NCBP3: variants seen among roughly 807,000 people sequenced by gnomAD.
NCBP3 encodes nuclear cap-binding protein subunit 3.
A neutral mutation model predicts 75.7 loss-of-function variants in NCBP3; 20 were observed. That is an observed-to-expected ratio of 0.26 (90% confidence interval 0.19 to 0.38). NCBP3 has a LOEUF of 0.38. Ranked by LOEUF, NCBP3 falls within the 10% of genes least tolerant of loss-of-function variation. NCBP3 has a pLI of 1.00. For missense variants in NCBP3, 678 were observed against 796.9 expected (o/e 0.85, Z 1.80); for synonymous variants, 293 against 290.5 (o/e 1.01, Z -0.09).
chr17:3,807,685 T>C lies in NCBP3; in HGVS notation c.*5359A>G, dbSNP rs1280047213. On this transcript the variant is annotated 3_prime_UTR_variant, in exon 13 of 13. Coordinates refer to ENST00000389005, the MANE Select transcript of NCBP3 (RefSeq NM_001114118.3). ...ATGAAAATAAAGCATTGTACGTACATGGCAGAAAAATGACTAGCCTGCCAG... is the reference window on the plus strand; with the variant it reads ...ATGAAAATAAAGCATTGTACGTACACGGCAGAAAAATGACTAGCCTGCCAG... 1 of 152,138 alleles carries C rather than the reference T, an allele frequency of 6.6e-6. No homozygotes were observed. The highest frequency in any genetic ancestry group is 1.5e-5 in the Non-Finnish European group (1 of 68,026). 9.4% of individuals were successfully genotyped at this position (152,138 alleles called of 1,614,324 possible).
In NCBP3 at chr17:3,821,058, T is replaced by C. The variant is rs376743487; in HGVS notation, c.1000+191A>G. On this transcript the variant is annotated intron_variant, in intron 9 of 12. Coordinates refer to ENST00000389005, the MANE Select transcript of NCBP3 (RefSeq NM_001114118.3). ...GCCTTTTTTGATAGAACAGCTTTTATAAAATCATTTGACCTCTTTGGGCAA... is the reference window on the plus strand; with the variant it reads ...GCCTTTTTTGATAGAACAGCTTTTACAAAATCATTTGACCTCTTTGGGCAA... 4.6e-5 allele frequency among the ~76,000 whole-genome samples: 7 copies of C among 152,360 alleles called. No individual in the cohort carries two copies. In the East Asian group the frequency reaches 7.7e-4, roughly 17 times the overall value.
At chr17:3,816,374 G>A (rs1242948319) in intron 10 of NCBP3, 104 bp from the exon 11 acceptor site, 2 of 994,908 alleles carry the variant, frequency 2.0e-6, no homozygotes, top group Non-Finnish European at 3.0e-6. Flanking sequence ...AAGAAATCCT[G>A]TCTTACATGG....
chr17:3,813,486 C>G (rs542698277), intron 12 of NCBP3, among the ~76,000 whole-genome samples: 1 of 152,234 alleles, frequency 6.6e-6, no homozygotes, highest in African/African-American at 2.4e-5. Flanking sequence ...GGACCCAGCA[C>G]GGGATTCTCA....
chr17:3,845,583 A>G (rs905012138), intron 1 of NCBP3, among the ~76,000 whole-genome samples: 1 of 152,144 alleles, frequency 6.6e-6, no homozygotes, highest in South Asian at 2.1e-4. Flanking sequence ...TCTCAAGACA[A>G]AGAGCGAGTG....
In NCBP3 at chr17:3,805,785, G is replaced by T. The variant is rs950268422; in HGVS notation, c.*7259C>A. The T allele has an allele frequency of 6.6e-6, 1 of 152,270 alleles. No individual in the cohort carries two copies. Among genetic ancestry groups the T allele is most frequent in the Non-Finnish European group, 1.5e-5 (1 of 68,090 alleles). The allele number at this position is 152,270 out of a possible 1,614,324, so 9.4% of individuals were successfully genotyped here. On this transcript the variant is annotated 3_prime_UTR_variant, in exon 13 of 13. Transcript: ENST00000389005. The stretch of plus-strand genomic sequence containing the variant: ...GGAGAGCAAGGATCCTTGAACACGC[G>T]TTAGCACTAGAAGGAAACTGGAGCT...
chr17:3,812,975 T>C lies in NCBP3; in HGVS notation c.*69A>G. On this transcript the variant is annotated 3_prime_UTR_variant, in exon 13 of 13. Transcript: ENST00000389005. ...GGGCGCCAGCTCCTGCGGGGGAGGT[T>C]CCTACTGCGCGCCCCACCCTGTGCA... 6.3e-7 allele frequency: 1 copy of C among 1,594,528 alleles called. No homozygotes were observed. The highest frequency in any genetic ancestry group is 8.5e-7 in the Non-Finnish European group (1 of 1,170,052).
chr17:3,837,719 G>C (rs2053999032), intron 3 of NCBP3, among the ~76,000 whole-genome samples: 1 of 144,968 alleles, frequency 6.9e-6, no homozygotes, highest in Admixed American at 6.9e-5. Context: ...GGGTGACAGA[G>C]CAAGCCTCTG....
chr17:3,821,421 TTC>T lies in NCBP3; in HGVS notation c.897-71_897-70del. The T allele has an allele frequency of 3.1e-6, 4 of 1,273,390 alleles. No individual in the cohort carries two copies. The Middle Eastern group carries it at 7.5e-4, about 240-fold the overall frequency. 78.9% of individuals were successfully genotyped at this position (1,273,390 alleles called of 1,614,324 possible). A position where few individuals can be genotyped will look rare whatever the true frequency, so the allele number is the denominator to read the frequency against. On this transcript the variant is annotated intron_variant, in intron 8 of 12. Coordinates refer to ENST00000389005, the MANE Select transcript of NCBP3 (RefSeq NM_001114118.3). ...AAGGACCTTGAAATCCACTATTTCT[TTC>T]TCTTTTCTTTTTTTTTTGTGATGGA...
At position 3,818,624 on chromosome 17, in the gene NCBP3, A is replaced by C. The variant is rs976518411; in HGVS notation, c.1001-52T>G. ...AGGAAAAGCACTAAAATTAACAAGT[A>C]TGATTTTCTACTCTACATCGGTGAC... On this transcript the variant is annotated intron_variant, in intron 9 of 12. Transcript: ENST00000389005. This position sits in a 1 kb window ranked among gnomAD's most constrained non-coding sequence, Gnocchi z 4.7. The C allele has an allele frequency of 1.3e-6, 2 of 1,544,148 alleles. No homozygotes were observed. The highest frequency in any genetic ancestry group is 1.4e-5 in the African/African-American group (1 of 72,848).
At chr17:3,826,492 A>T (rs1409490446) in intron 4 of NCBP3, among the ~76,000 whole-genome samples, 1 of 152,016 alleles carries the variant, frequency 6.6e-6, no homozygotes, top group East Asian at 1.9e-4. Flanking sequence ...TACAAAAGTC[A>T]TGGTGGCATG....
chr17:3,826,170 A>G lies in NCBP3; in HGVS notation c.527T>C (p.Ile176Thr), dbSNP rs1383316776. 1.3e-6 allele frequency: 2 copies of G among 1,551,556 alleles called. No individual in the cohort carries two copies. The highest frequency in any genetic ancestry group is 2.4e-5 in the South Asian group (2 of 84,056). Residue 176 changes from isoleucine (I) to threonine (T), a missense_variant, in exon 5 of 13, where the codon ATC becomes ACC. Physicochemically the swap from Ile to Thr is moderately conservative, Grantham distance 89. Transcript: ENST00000389005. ...LDEMTATRAL[I>T]NMSSLPAQDK... ...CTGTGCAGGCAGGGAGCTCATATTG[A>G]TAAGTGCTCGTGTGGCTGTCATTTC...
chr17:3,841,583 A>T (rs184634787), intron 2 of NCBP3, among the ~76,000 whole-genome samples: 39 of 151,794 alleles, frequency 2.6e-4, no homozygotes, highest in African/African-American at 9.4e-4. Context: ...TCTTGTCTAA[A>T]AGATGACCAA....
intron 3 of NCBP3, among the ~76,000 whole-genome samples, chr17:3,833,957 C>G (rs995495039): frequency 6.6e-6 from 1 of 152,196 alleles, no homozygotes; most frequent in Non-Finnish European, 1.5e-5. Context: ...CATCTCTTTA[C>G]TTCCCTTAGG....
intron 2 of NCBP3, among the ~76,000 whole-genome samples, chr17:3,842,521 A>G (rs1332903706): frequency 6.6e-6 from 1 of 152,214 alleles, no homozygotes. Flanking sequence ...CATACCATTT[A>G]AAAAAGCATC....
rs1318677591 is a variant in NCBP3 at position 3,816,432 on chromosome 17, A to G, written c.1311-162T>C. Among the ~76,000 whole-genome samples, 4 of 152,250 alleles carry G rather than the reference A, an allele frequency of 2.6e-5. No homozygotes were observed. In the East Asian group the frequency reaches 7.7e-4, roughly 29 times the overall value. ...TAAACTTATAATTATTTGCTTATGG[A>G]AACCATGATCTGCCTGCTCTAAAGA... is the stretch of plus-strand genomic sequence containing the variant. On this transcript the variant is annotated intron_variant, in intron 10 of 12. Coordinates refer to ENST00000389005, the MANE Select transcript of NCBP3 (RefSeq NM_001114118.3).
intron 1 of NCBP3, among the ~76,000 whole-genome samples, chr17:3,844,048 C>G (rs2054113429): frequency 6.6e-6 from 1 of 151,858 alleles, no homozygotes; most frequent in Non-Finnish European, 1.5e-5. Context: ...TGGAAAATGT[C>G]AAAAGATAAG....
Position 3,843,128 on chromosome 17 carries a change from G to A in NCBP3, c.207C>T (p.Asn69=), listed in dbSNP as rs2054095741. 1 of 1,551,308 alleles carries A rather than the reference G, an allele frequency of 6.4e-7. No homozygotes were observed. Among genetic ancestry groups the A allele is most frequent in the African/African-American group, 1.4e-5 (1 of 72,954 alleles). ...LIPDTSRRYE[N]KAGSFITGID... is the part of the protein sequence containing the mutation. ...TTCCAGTGATGAAGCTGCCAGCCTT[G>A]TTTTCATATCTTCTGCTCGTGTCCT... Residue 69 remains asparagine (N), a synonymous_variant, in exon 2 of 13, where the codon AAC becomes AAT. Coordinates refer to ENST00000389005, the MANE Select transcript of NCBP3 (RefSeq NM_001114118.3).
At chr17:3,841,538 T>C (rs2054061843) in intron 2 of NCBP3, among the ~76,000 whole-genome samples, 1 of 152,030 alleles carries the variant, frequency 6.6e-6, no homozygotes, top group African/African-American at 2.4e-5. Context: ...ACTTTTTCAA[T>C]TACAGTAAGA....
chr17:3,817,612 G>C (rs1437936042), intron 10 of NCBP3, among the ~76,000 whole-genome samples: 1 of 151,992 alleles, frequency 6.6e-6, no homozygotes, highest in Non-Finnish European at 1.5e-5. Flanking sequence ...CTGGGTGACA[G>C]AGCGAGACTC....
Sources: allele counts gnomAD v4.1 joint callset (sites outside exome capture counted in the v4.1 genomes callset), GRCh38; gene constraint gnomAD v4.1.1; non-coding constraint Gnocchi (gnomAD v3.1); transcripts MANE v1.5; gene names NCBI Gene and HGNC (gene_info 2026-07-23, HGNC 2026-07-21).